Variants in ANO3 observed in about 807,000 individuals in gnomAD.
ANO3 encodes anoctamin 3.
In ANO3, 99 loss-of-function variants were observed where a neutral mutation model predicts 144.8. That is an observed-to-expected ratio of 0.68 (90% CI 0.58 to 0.81). The LOEUF (loss-of-function observed/expected upper bound fraction) is 0.81, where lower values mean the gene tolerates loss of function less well. Ranked by LOEUF, ANO3 falls within the 30% of genes least tolerant of loss-of-function variation. The pLI, the probability that ANO3 is intolerant of heterozygous loss-of-function variation, is 0.00. For missense variants in ANO3, 905 were observed against 1,202.2 expected, an observed-to-expected ratio of 0.75 and a Z score of 3.66; for synonymous variants, 414 against 392.6, an observed-to-expected ratio of 1.05 and a Z score of -0.64.
intron 1 of ANO3, among the ~76,000 whole-genome samples, chr11:26,419,234 C>T (rs1857683178): frequency 6.6e-6 from 1 of 152,100 alleles, no homozygotes; most frequent in Non-Finnish European, 1.5e-5. Context: ...GAGAACAGCA[C>T]TAGGGAGATG....
At chr11:26,557,342 T>G (rs1419640631) in intron 13 of ANO3, among the ~76,000 whole-genome samples, 1 of 151,306 alleles carries the variant, frequency 6.6e-6, no homozygotes, top group Non-Finnish European at 1.5e-5. Context: ...GCGCCTGTAG[T>G]CCCAGCTACT....
chr11:26,260,523 C>T (rs182380145), intron 1 of ANO3, among the ~76,000 whole-genome samples: 3,017 of 152,064 alleles, frequency 0.02, 64 homozygotes, highest in East Asian at 0.12. Flanking sequence ...CCGCATGGAA[C>T]AGTCCTTAAG....
chr11:26,273,280 A>G (rs1452195626), intron 1 of ANO3, among the ~76,000 whole-genome samples: 2 of 143,888 alleles, frequency 1.4e-5, no homozygotes, highest in East Asian at 2.0e-4. Context: ...CAGAGCCCCC[A>G]TGAGTTCAGC....
At chr11:26,204,187 G>A (rs1173990395) in intron 1 of ANO3, among the ~76,000 whole-genome samples, 1 of 152,100 alleles carries the variant, frequency 6.6e-6, no homozygotes, top group African/African-American at 2.4e-5. Context: ...CTGGGAGGCT[G>A]CTTACACTCA....
At chr11:26,576,755 C>T (rs1850997347) in intron 14 of ANO3, among the ~76,000 whole-genome samples, 1 of 152,160 alleles carries the variant, frequency 6.6e-6, no homozygotes, top group Admixed American at 6.5e-5. Flanking sequence ...CAGCTCGTGA[C>T]AGCTTACGTT....
chr11:26,193,863 T>C (rs1484042841), intron 1 of ANO3, among the ~76,000 whole-genome samples: 2 of 152,134 alleles, frequency 1.3e-5, no homozygotes, highest in Non-Finnish European at 2.9e-5. Flanking sequence ...AAATTAACAT[T>C]TTTACTGTGT....
chr11:26,238,612 A>G (rs564608099), intron 1 of ANO3, among the ~76,000 whole-genome samples: 3 of 152,282 alleles, frequency 2.0e-5, no homozygotes, highest in African/African-American at 7.2e-5. Flanking sequence ...AAAATTGAAC[A>G]AATTAGGCAA....
intron 21 of ANO3, among the ~76,000 whole-genome samples, 177 bp from the exon 22 acceptor site, chr11:26,641,719 T>G (rs1447138512): frequency 3.3e-5 from 5 of 152,176 alleles, no homozygotes; most frequent in African/African-American, 1.2e-4. Context: ...TTTTAAGATA[T>G]TTAAGCTTTC....
At chr11:26,571,345 A>G (rs944613394) in intron 14 of ANO3, among the ~76,000 whole-genome samples, 3 of 152,160 alleles carry the variant, frequency 2.0e-5, no homozygotes, top group African/African-American at 4.8e-5. Flanking sequence ...AGAGGCTTAT[A>G]TAGCCACAAA....
At chr11:26,529,837 T>A (rs150637984) in intron 7 of ANO3, among the ~76,000 whole-genome samples, 3,350 of 152,250 alleles carry the variant, frequency 0.022, 60 homozygotes, top group Non-Finnish European at 0.035. Context: ...TCAATCAGTA[T>A]ATATACCATA....
chr11:26,493,438 A>T (rs1860796109), intron 4 of ANO3, among the ~76,000 whole-genome samples: 1 of 152,174 alleles, frequency 6.6e-6, no homozygotes. Flanking sequence ...ATGACCTTCC[A>T]AACCCTTCAC....
intron 12 of ANO3, 95 bp from the exon 13 acceptor site, chr11:26,553,154 T>G: frequency 1.1e-6 from 1 of 885,030 alleles, no homozygotes. Flanking sequence ...TCTGCCTTGC[T>G]GGTTCCAACA....
rs767190174 is a variant in ANO3, at chr11:26,193,841, G to A, written c.154+4511G>A. Among the ~76,000 whole-genome samples, 3 of 152,220 alleles carry A rather than the reference G, an allele frequency of 2.0e-5. No individual in the cohort carries two copies. The South Asian group carries it at 6.2e-4, about 32-fold the overall frequency. On this transcript the variant is annotated intron_variant, in intron 1 of 27. Coordinates refer to the ANO3 transcript ENST00000672621. ...GGAATGCAACCTATCAGGTAATTCAGGATTCCCATGTAAATTAACATTTTT... is the reference window on the plus strand; with the variant it reads ...GGAATGCAACCTATCAGGTAATTCAAGATTCCCATGTAAATTAACATTTTT...
At chr11:26,540,719 A>G (rs189722717) in intron 10 of ANO3, among the ~76,000 whole-genome samples, 2 of 152,348 alleles carry the variant, frequency 1.3e-5, no homozygotes, top group African/African-American at 4.8e-5. Flanking sequence ...TGGTCGTTAG[A>G]GAAATGCAAA....
chr11:26,426,783 C>T (rs1857933838), intron 1 of ANO3, among the ~76,000 whole-genome samples: 1 of 152,168 alleles, frequency 6.6e-6, no homozygotes, highest in African/African-American at 2.4e-5. Context: ...AGCCCAATAT[C>T]AAGAAGCTGC....
chr11:26,306,581 T>G (rs1260614939), upstream of ANO3, among the ~76,000 whole-genome samples: 1 of 152,090 alleles, frequency 6.6e-6, no homozygotes, highest in Non-Finnish European at 1.5e-5. Context: ...GGAGGATCAC[T>G]GAAGCCTTGG....
chr11:26,265,357 A>G (rs1225108902), intron 1 of ANO3, among the ~76,000 whole-genome samples: 1 of 152,108 alleles, frequency 6.6e-6, no homozygotes, highest in African/African-American at 2.4e-5. Flanking sequence ...TTAACCTCAG[A>G]GCTCCTTGAG....
intron 1 of ANO3, chr11:26,287,999 T>C (rs1853848314): frequency 6.6e-6 from 1 of 152,216 alleles, no homozygotes; most frequent in Non-Finnish European, 1.5e-5. Flanking sequence ...CAATTTAATT[T>C]CTCTTCTACA....
chr11:26,272,180 C>A (rs1189088590), intron 1 of ANO3, among the ~76,000 whole-genome samples: 1 of 151,772 alleles, frequency 6.6e-6, no homozygotes, highest in Non-Finnish European at 1.5e-5. Flanking sequence ...ATACCATAAA[C>A]CTTGAATAAC....
Sources: allele counts gnomAD v4.1 joint callset (sites outside exome capture counted in the v4.1 genomes callset), GRCh38; gene constraint gnomAD v4.1.1; transcripts MANE v1.5; gene names NCBI Gene and HGNC (gene_info 2026-07-23, HGNC 2026-07-21).